DAB1: variants seen among roughly 807,000 people sequenced by gnomAD.
DAB1 encodes the protein disabled homolog 1.
A neutral mutation model predicts 64.6 loss-of-function variants in DAB1; 15 were observed. That is an observed-to-expected ratio of 0.23 (90% CI 0.16 to 0.36). DAB1 has a LOEUF of 0.36. DAB1 is among the 10% of genes least tolerant of loss of function. The probability of loss-of-function intolerance (pLI) is 1.00; values close to 1 mark genes in which losing one functional copy is unlikely to be tolerated. For synonymous variants in DAB1, 235 were observed against 251.9 expected, an observed-to-expected ratio of 0.93 and a Z score of 0.64; for missense variants, 596 against 706.7, an observed-to-expected ratio of 0.84 and a Z score of 1.78.
At chr1:57,172,326 A>G (rs1179266731) in intron 2 of DAB1, among the ~76,000 whole-genome samples, 1 of 152,196 alleles carries the variant, frequency 6.6e-6, no homozygotes, top group Admixed American at 6.5e-5. Flanking sequence ...CCCATGCCAC[A>G]GGTGCTTTAT....
chr1:57,359,003 G>A (rs1278972248), intron 1 of DAB1, among the ~76,000 whole-genome samples: 4 of 151,958 alleles, frequency 2.6e-5, no homozygotes, highest in African/African-American at 9.7e-5. Flanking sequence ...ACTACTAGAA[G>A]AAAATATATA....
intron 3 of DAB1, among the ~76,000 whole-genome samples, chr1:58,441,350 A>G (rs1035616976): frequency 1.1e-4 from 17 of 152,246 alleles, no homozygotes; most frequent in Non-Finnish European, 1.9e-4. Context: ...AGCCCACTCA[A>G]TAAATCCACA....
chr1:57,921,173 T>G (rs940811236), intron 5 of DAB1, among the ~76,000 whole-genome samples: 24 of 152,154 alleles, frequency 1.6e-4, no homozygotes, highest in Admixed American at 1.5e-3. Flanking sequence ...AGATATATTA[T>G]TTAGTGGAAA....
intron 6 of DAB1, among the ~76,000 whole-genome samples, chr1:57,816,866 C>T (rs1289243543): frequency 6.6e-6 from 1 of 152,082 alleles, no homozygotes; most frequent in African/African-American, 2.4e-5. Flanking sequence ...TATTATGTAC[C>T]GGGTACTGCG....
Position 58,288,039 on chromosome 1 carries a change from A to AG in DAB1, n.309+55312_309+55313insC, listed in dbSNP as rs3990928. The stretch of plus-strand genomic sequence containing the variant: ...TGCCTCAAAAAAAAAAAAAAAAAAA[A>AG]AAAAAAGAAAAAAAAGAGCAGCAAA... On this transcript the variant is annotated intron_variant and non_coding_transcript_variant, in intron 4 of 20. Coordinates refer to the DAB1 transcript ENST00000485760. 3.9e-3 allele frequency among the ~76,000 whole-genome samples: 92 copies of AG among 23,298 alleles called. 5 individuals carry two copies. Among genetic ancestry groups the AG allele is most frequent in the East Asian group, 0.019 (4 of 216 alleles). The allele number at this position is 23,298 out of a possible 152,430, so 15.3% of individuals were successfully genotyped here. A position where few individuals can be genotyped will look rare whatever the true frequency, so the allele number is the denominator to read the frequency against.
chr1:58,515,659 A>AT (rs1646147691), intron 2 of DAB1, among the ~76,000 whole-genome samples: 1 of 152,210 alleles, frequency 6.6e-6, no homozygotes, highest in Non-Finnish European at 1.5e-5. Context: ...TCTTTCTTAA[A>AT]AGAATCATTA....
chr1:57,951,350 A>C (rs1645276354), intron 5 of DAB1, among the ~76,000 whole-genome samples: 1 of 143,770 alleles, frequency 7.0e-6, no homozygotes, highest in Non-Finnish European at 1.5e-5. Context: ...GGAAACTTAA[A>C]TTAGCCCAAT....
chr1:57,771,917 T>C (rs1265086809), intron 6 of DAB1, among the ~76,000 whole-genome samples: 1 of 152,174 alleles, frequency 6.6e-6, no homozygotes, highest in Non-Finnish European at 1.5e-5. Flanking sequence ...ATCCAAGTCA[T>C]TGGAGGTATT....
At chr1:57,072,076 A>C (rs1449332964) in intron 5 of DAB1, among the ~76,000 whole-genome samples, 2 of 151,768 alleles carry the variant, frequency 1.3e-5, no homozygotes, top group African/African-American at 4.8e-5. Context: ...AAAAAAAAAA[A>C]AAAAACAGAA....
At chr1:58,519,274 T>C (rs1646223284) in intron 2 of DAB1, among the ~76,000 whole-genome samples, 1 of 152,154 alleles carries the variant, frequency 6.6e-6, no homozygotes, top group Admixed American at 6.5e-5. Context: ...GGTTATATAT[T>C]TAGGGGTTAC....
At chr1:57,887,543 T>C (rs1162901909), upstream of DAB1, among the ~76,000 whole-genome samples, 1 of 152,190 alleles carries the variant, frequency 6.6e-6, no homozygotes, top group Non-Finnish European at 1.5e-5. Context: ...GAGAGTTATG[T>C]AAGGAAGTAG....
intron 5 of DAB1, among the ~76,000 whole-genome samples, chr1:57,922,642 T>C (rs1644824127): frequency 6.6e-6 from 1 of 151,564 alleles, no homozygotes; most frequent in African/African-American, 2.4e-5. Flanking sequence ...AGAAGCATAA[T>C]AAAAGATTAG....
chr1:58,400,684 G>A (rs1304418003), intron 3 of DAB1, among the ~76,000 whole-genome samples: 1 of 152,160 alleles, frequency 6.6e-6, no homozygotes, highest in Non-Finnish European at 1.5e-5. Flanking sequence ...ACAAAAAAAT[G>A]ATCAGAACCT....
intron 14 of DAB1, among the ~76,000 whole-genome samples, chr1:57,006,420 G>A (rs1201437929): frequency 2.0e-5 from 3 of 152,172 alleles, no homozygotes; most frequent in African/African-American, 7.2e-5. Context: ...CCAGGAACCT[G>A]GGTGTCATCC....
chr1:57,146,085 A>G (rs990707665), intron 2 of DAB1, among the ~76,000 whole-genome samples: 1 of 152,224 alleles, frequency 6.6e-6, no homozygotes. Context: ...TTTTGCTAAG[A>G]CACATCAACC....
chr1:57,493,207 G>A (rs554939339), intron 7 of DAB1, among the ~76,000 whole-genome samples: 1 of 152,000 alleles, frequency 6.6e-6, no homozygotes, highest in South Asian at 2.1e-4. Flanking sequence ...CAGTTCAGTG[G>A]CATTAAGTAC....
intron 3 of DAB1, among the ~76,000 whole-genome samples, chr1:58,459,980 AAAAG>A (rs1247387814): frequency 6.6e-6 from 1 of 152,214 alleles, no homozygotes; most frequent in Non-Finnish European, 1.5e-5. Context: ...CTGTCTCAAA[AAAAG>A]AAAAAGAAGA....
At chr1:58,138,951 G>C (rs186458475) in intron 5 of DAB1, among the ~76,000 whole-genome samples, 5 of 152,302 alleles carry the variant, frequency 3.3e-5, no homozygotes, top group Non-Finnish European at 7.3e-5. Context: ...TGGGTGGGTT[G>C]ATAGATGAAG....
At chr1:57,127,691 T>C (rs1657257165) in intron 4 of DAB1, among the ~76,000 whole-genome samples, 1 of 152,178 alleles carries the variant, frequency 6.6e-6, no homozygotes, top group Admixed American at 6.5e-5. Flanking sequence ...AGTAGTTGTG[T>C]TCAAGTGACC....
Sources: allele counts gnomAD v4.1 joint callset (sites outside exome capture counted in the v4.1 genomes callset), GRCh38; gene constraint gnomAD v4.1.1; transcripts MANE v1.5; gene names NCBI Gene and HGNC (gene_info 2026-07-23, HGNC 2026-07-21).